Variants in NETO2 observed in about 807,000 individuals in gnomAD.
NETO2 encodes the protein neuropilin and tolloid-like protein 2.
NETO2 carries 28 observed loss-of-function variants against 62.5 expected under a neutral mutation model. The ratio of observed to expected loss-of-function variants is 0.45; its 90% CI spans 0.33 to 0.61. NETO2 has a LOEUF of 0.61. NETO2 is among the 20% of genes least tolerant of loss of function. The pLI is 0.02. For missense variants in NETO2, 548 were observed against 643.2 expected (o/e 0.85, Z 1.60); for synonymous variants, 214 against 219.1 (o/e 0.98, Z 0.21).
intron 1 of NETO2, among the ~76,000 whole-genome samples, chr16:47,137,883 G>A (rs1218823666): frequency 6.6e-6 from 1 of 152,176 alleles, no homozygotes; most frequent in African/African-American, 2.4e-5. Flanking sequence ...ATGCGAACAA[G>A]CTGGACATAG....
chr16:47,096,254 T>C (rs1963425452), intron 7 of NETO2, among the ~76,000 whole-genome samples: 1 of 152,076 alleles, frequency 6.6e-6, no homozygotes, highest in African/African-American at 2.4e-5. Flanking sequence ...CTTAAGGAAC[T>C]AGAGAAAGAA....
At chr16:47,094,371 C>T (rs1379276501) in intron 7 of NETO2, among the ~76,000 whole-genome samples, 1 of 149,572 alleles carries the variant, frequency 6.7e-6, no homozygotes, top group Non-Finnish European at 1.5e-5. Flanking sequence ...AATGTATTCA[C>T]TTGATTTTTC....
At chr16:47,098,383 G>A (rs1454268291) in intron 7 of NETO2, among the ~76,000 whole-genome samples, 3 of 152,164 alleles carry the variant, frequency 2.0e-5, no homozygotes, top group Non-Finnish European at 4.4e-5. Context: ...TGAAGCATAT[G>A]TAAGTATCAA....
chr16:47,103,654 A>G (rs1233385289), intron 7 of NETO2, among the ~76,000 whole-genome samples: 2 of 152,200 alleles, frequency 1.3e-5, no homozygotes, highest in Non-Finnish European at 2.9e-5. Context: ...ATTACTTCAG[A>G]ATTCAGCAAC....
intron 6 of NETO2, among the ~76,000 whole-genome samples, chr16:47,118,175 G>A (rs969911597): frequency 2.6e-5 from 4 of 151,930 alleles, no homozygotes; most frequent in African/African-American, 4.8e-5. Flanking sequence ...AGTTGTGTTC[G>A]CACTGCAAAT....
rs1963038129 is a variant in NETO2 at position 47,080,143 on chromosome 16, T to A, written c.*3078A>T. On this transcript the variant is annotated 3_prime_UTR_variant, in exon 9 of 9. Coordinates refer to ENST00000562435, the MANE Select transcript of NETO2 (RefSeq NM_018092.5). ...TTTTGTTAAACGTTTAGATTGACAC[T>A]CTCCCCACACACAAAAGGAATATCA... 6.6e-6 allele frequency: 1 copy of A among 152,220 alleles called. No homozygotes were observed. Among genetic ancestry groups the A allele is most frequent in the African/African-American group, 2.4e-5 (1 of 41,454 alleles). 9.4% of individuals were successfully genotyped at this position (152,220 alleles called of 1,614,324 possible). A position where few individuals can be genotyped will look rare whatever the true frequency, so the allele number is the denominator to read the frequency against.
chr16:47,081,549 ATTAAAT>A lies in NETO2; in HGVS notation c.*1666_*1671del, dbSNP rs1963060970. On this transcript the variant is annotated 3_prime_UTR_variant, in exon 9 of 9. Transcript: ENST00000562435. ...AAGCACTCTGAGGCAGTATATGTGT[ATTAAAT>A]TTAAGGTCACAATTTTCACTAATCT... The A allele has an allele frequency of 1.3e-5, 2 of 152,708 alleles. No homozygotes were observed. Among genetic ancestry groups the A allele is most frequent in the South Asian group, 2.1e-4 (1 of 4,828 alleles). The allele number at this position is 152,708 out of a possible 1,614,324, so 9.5% of individuals were successfully genotyped here. A position where few individuals can be genotyped will look rare whatever the true frequency, so the allele number is the denominator to read the frequency against.
chr16:47,081,910 GTCCACATT>G lies in NETO2; in HGVS notation c.*1303_*1310del, dbSNP rs1417932053. ...TAACAAAAGGAAAGAAAGAGCTTAT[GTCCACATT>G]TCCAAGGTCTTTACAATAAGTTATA... is the stretch of plus-strand genomic sequence containing the variant. On this transcript the variant is annotated 3_prime_UTR_variant, in exon 9 of 9. Transcript: ENST00000562435. The G allele has an allele frequency of 6.6e-6, 1 of 152,572 alleles. No homozygotes were observed. The allele number at this position is 152,572 out of a possible 1,614,324, so 9.5% of individuals were successfully genotyped here.
rs1180524341 is a variant in NETO2, at chr16:47,114,356, A to G, written c.655-4645T>C. The stretch of plus-strand genomic sequence containing the variant: ...TTTCATAGGTGATTTTTTTTCTCCC[A>G]GTCAGTGGCTTTTTTTTTTTTTTCT... On this transcript the variant is annotated intron_variant, in intron 6 of 8. Coordinates refer to ENST00000562435, the MANE Select transcript of NETO2 (RefSeq NM_018092.5). Among the ~76,000 whole-genome samples the G allele has an allele frequency of 5.2e-5, 7 of 134,210 alleles. No individual in the cohort carries two copies. In the East Asian group the frequency reaches 1.2e-3, roughly 24 times the overall value. 88.0% of individuals were successfully genotyped at this position (134,210 alleles called of 152,430 possible).
chr16:47,136,967 T>C (rs1424230110), intron 1 of NETO2, among the ~76,000 whole-genome samples: 1 of 152,090 alleles, frequency 6.6e-6, no homozygotes, highest in Non-Finnish European at 1.5e-5. Context: ...TAGACCATCA[T>C]AAAAATGTGC....
chr16:47,130,144 G>A (rs1388672593), intron 2 of NETO2, among the ~76,000 whole-genome samples: 4 of 152,204 alleles, frequency 2.6e-5, no homozygotes, highest in Non-Finnish European at 5.9e-5. Flanking sequence ...ACAGGGAGAC[G>A]AGTGAATGTT....
chr16:47,098,626 T>C (rs1248630892), intron 7 of NETO2, among the ~76,000 whole-genome samples: 1 of 152,138 alleles, frequency 6.6e-6, no homozygotes, highest in Admixed American at 6.5e-5. Flanking sequence ...CCAAGAGAAC[T>C]TCCCCAACCT....
At chr16:47,137,239 T>A (rs1964376515) in intron 1 of NETO2, among the ~76,000 whole-genome samples, 1 of 152,204 alleles carries the variant, frequency 6.6e-6, no homozygotes, top group Admixed American at 6.5e-5. Context: ...TGCATCATAA[T>A]CACCTTGGGT....
rs754296113 is a variant in NETO2, at chr16:47,129,275, T to C, written c.181A>G (p.Asn61Asp). Residue 61 changes from asparagine to aspartate, a missense_variant, in exon 3 of 9, where the codon AAT (asparagine) becomes GAT (aspartate). Asn to Asp is a conservative substitution (Grantham distance 23). Transcript: ENST00000562435. ...TTTGGTGGATATGAGTCAGGATAAT[T>C]TGGCGAAGCAAAATGACCTCCATTG... ...TSNGGHFASP[N>D]YPDSYPPNKE... The C allele has an allele frequency of 7.4e-6, 12 of 1,613,974 alleles. No individual in the cohort carries two copies. The highest frequency in any genetic ancestry group is 5.3e-5 in the African/African-American group (4 of 74,924).
At position 47,129,274 on chromosome 16, in the gene NETO2, T is replaced by C. The variant is rs1188175447; in HGVS notation, c.182A>G (p.Asn61Ser). ...TSNGGHFASP[N>S]YPDSYPPNKE... ...GTTTGGTGGATATGAGTCAGGATAA[T>C]TTGGCGAAGCAAAATGACCTCCATT... is the stretch of plus-strand genomic sequence containing the variant. The change falls in exon 3 of 9, where the codon AAT (asparagine) becomes AGT (serine). Residue 61 changes from asparagine to serine, a missense_variant. By Grantham distance (46) the Asn-to-Ser change is conservative. Coordinates refer to ENST00000562435, the MANE Select transcript of NETO2 (RefSeq NM_018092.5). 1.4e-5 allele frequency: 22 copies of C among 1,614,098 alleles called. No individual in the cohort carries two copies. The highest frequency in any genetic ancestry group is 1.8e-5 in the Non-Finnish European group (21 of 1,179,968).
chr16:47,126,111 A>G (rs997504494), intron 4 of NETO2, among the ~76,000 whole-genome samples: 1 of 152,216 alleles, frequency 6.6e-6, no homozygotes, highest in African/African-American at 2.4e-5. Flanking sequence ...TATCTCACTT[A>G]GCATAATGTT....
In NETO2 at chr16:47,081,992, A is replaced by G. The variant is rs2143785672; in HGVS notation, c.*1229T>C. 1 of 152,776 alleles carries G rather than the reference A, an allele frequency of 6.5e-6. No individual in the cohort carries two copies. The highest frequency in any genetic ancestry group is 2.4e-5 in the African/African-American group (1 of 41,594). 9.5% of individuals were successfully genotyped at this position (152,776 alleles called of 1,614,324 possible). A position where few individuals can be genotyped will look rare whatever the true frequency, so the allele number is the denominator to read the frequency against. ...TTTGCATACAAAGCCACTGATGTGA[A>G]CACTGAAAGGAATCTGTCCTGTAGG... On this transcript the variant is annotated 3_prime_UTR_variant, in exon 9 of 9. Coordinates refer to ENST00000562435, the MANE Select transcript of NETO2 (RefSeq NM_018092.5).
chr16:47,101,607 T>C (rs537203198), intron 7 of NETO2, among the ~76,000 whole-genome samples: 2 of 152,306 alleles, frequency 1.3e-5, no homozygotes, highest in East Asian at 3.9e-4. Flanking sequence ...ACAAAATCAA[T>C]GTGCAAAAAT....
chr16:47,125,077 G>C, intron 4 of NETO2, among the ~76,000 whole-genome samples: 1 of 152,230 alleles, frequency 6.6e-6, no homozygotes, highest in Middle Eastern at 3.4e-3. Flanking sequence ...ATTCAAATAA[G>C]AGTATTCTTT....
Sources: allele counts gnomAD v4.1 joint callset (sites outside exome capture counted in the v4.1 genomes callset), GRCh38; gene constraint gnomAD v4.1.1; transcripts MANE v1.5; gene names NCBI Gene and HGNC (gene_info 2026-07-23, HGNC 2026-07-21).